SIAH3: variants seen among roughly 807,000 people sequenced by gnomAD.
The protein encoded by SIAH3 is siah E3 ubiquitin protein ligase family member 3.
A neutral mutation model predicts 12.6 loss-of-function variants in SIAH3; 9 were observed. The ratio of observed to expected loss-of-function variants is 0.72; its 90% CI spans 0.43 to 1.25. The LOEUF (loss-of-function observed/expected upper bound fraction) is 1.25, where lower values mean the gene tolerates loss of function less well. Ranked by LOEUF, SIAH3 falls within the 50% of genes most tolerant of loss-of-function variation. SIAH3 has a pLI of 0.00. For synonymous variants in SIAH3, 154 were observed against 151.1 expected, an observed-to-expected ratio of 1.02 and a Z score of -0.14; for missense variants, 390 against 365.4, an observed-to-expected ratio of 1.07 and a Z score of -0.55.
chr13:45,822,947 G>GGTCT (rs3058575), intron 1 of SIAH3, among the ~76,000 whole-genome samples: 101,042 of 151,408 alleles, frequency 0.67, 35,214 homozygotes, highest in East Asian at 0.95. Flanking sequence ...GTCGTCCCAA[G>GGTCT]GTCCTTGCAC....
At chr13:45,834,400 G>A (rs1950710827) in intron 1 of SIAH3, among the ~76,000 whole-genome samples, 1 of 152,318 alleles carries the variant, frequency 6.6e-6, no homozygotes, top group South Asian at 2.1e-4. Context: ...GGCTCCCTGG[G>A]ACTTTCTCTT....
At chr13:45,796,255 G>A (rs1161068447) in intron 1 of SIAH3, among the ~76,000 whole-genome samples, 2 of 110,712 alleles carry the variant, frequency 1.8e-5, no homozygotes, top group Admixed American at 1.5e-4. Context: ...AAAATAGAAT[G>A]GAAGAAAGAG....
At chr13:45,839,118 A>C (rs986680895) in intron 1 of SIAH3, among the ~76,000 whole-genome samples, 5 of 152,184 alleles carry the variant, frequency 3.3e-5, no homozygotes, top group African/African-American at 1.2e-4. Context: ...TGAGAAAGGA[A>C]ATTTCAAAGG....
At chr13:45,830,881 A>T (rs1210485191) in intron 1 of SIAH3, among the ~76,000 whole-genome samples, 1 of 152,150 alleles carries the variant, frequency 6.6e-6, no homozygotes, top group Non-Finnish European at 1.5e-5. Flanking sequence ...AGAATAAGTT[A>T]AGAATGGTCT....
At chr13:45,793,289 T>C (rs1269441714) in intron 1 of SIAH3, among the ~76,000 whole-genome samples, 1 of 152,230 alleles carries the variant, frequency 6.6e-6, no homozygotes, top group Non-Finnish European at 1.5e-5. Flanking sequence ...CTGGGTGGCC[T>C]GAGACAATCT....
chr13:45,817,764 A>G (rs1452127860), intron 1 of SIAH3, among the ~76,000 whole-genome samples: 1 of 152,198 alleles, frequency 6.6e-6, no homozygotes, highest in Non-Finnish European at 1.5e-5. Flanking sequence ...TAAAGAGAAT[A>G]TGTATACATG....
rs2137546267 is a variant in SIAH3 at position 45,783,433 on chromosome 13, C to G, written c.760G>C (p.Gly254Arg). ...LFSDNGSLAIGIAITATEVLP... is the reference protein window; with the variant it reads ...LFSDNGSLAIRIAITATEVLP... The stretch of plus-strand genomic sequence containing the variant: ...ACCTCTGTCGCGGTGATGGCAATCC[C>G]AATGGCAAGGCTGCCGTTGTCAGAG... Residue 254 changes from glycine to arginine, a missense_variant, in exon 2 of 2, where the codon GGG becomes CGG. Transcript: ENST00000400405. 1.9e-6 allele frequency: 3 copies of G among 1,614,004 alleles called. No individual in the cohort carries two copies. Among genetic ancestry groups the G allele is most frequent in the Non-Finnish European group, 2.5e-6 (3 of 1,179,968 alleles).
In SIAH3 at chr13:45,783,861, A is replaced by G; in HGVS notation, c.332T>C (p.Leu111Ser). The G allele has an allele frequency of 1.2e-6, 2 of 1,613,970 alleles. No individual in the cohort carries two copies. The highest frequency in any genetic ancestry group is 1.1e-5 in the South Asian group (1 of 91,076). Residue 111 changes from leucine to serine, a missense_variant, in exon 2 of 2, where the codon TTG becomes TCG. Transcript: ENST00000400405. ...PVTPCLCMCP[L>S]FSCQWEGRLE... ...GCGGCCTTCCCACTGGCAGGAGAAC[A>G]AGGGACACATGCACAGGCAGGGCGT...
intron 1 of SIAH3, among the ~76,000 whole-genome samples, chr13:45,789,410 ATCTATC>A (rs1555256670): frequency 7.0e-6 from 1 of 142,536 alleles, no homozygotes; most frequent in Non-Finnish European, 1.6e-5. Context: ...CTATCTATCT[ATCTATC>A]TATATGTTGA....
At chr13:45,784,216 A>C (rs1457460793) in intron 1 of SIAH3, among the ~76,000 whole-genome samples, 159 bp from the exon 2 acceptor site, 1 of 136,638 alleles carries the variant, frequency 7.3e-6, no homozygotes, top group African/African-American at 2.9e-5. Context: ...AACAAACAAA[A>C]CCACAAAGGA....
At position 45,794,332 on chromosome 13, in the gene SIAH3, C is replaced by G. The variant is rs1950555687; in HGVS notation, c.136-10275G>C. Among the ~76,000 whole-genome samples the G allele has an allele frequency of 1.3e-5, 2 of 152,150 alleles. 1 individual carries two copies. The highest frequency in any genetic ancestry group is 4.1e-4 in the South Asian group (2 of 4,828). ...GTCCTTCCCAGGATGATTATCAACT[C>G]CATACCCATGTGCTAATACCAGAGA... On this transcript the variant is annotated intron_variant, in intron 1 of 1. Transcript: ENST00000400405.
intron 1 of SIAH3, among the ~76,000 whole-genome samples, chr13:45,785,002 T>C (rs1276486750): frequency 1.3e-5 from 2 of 152,366 alleles, no homozygotes; most frequent in East Asian, 3.9e-4. Context: ...AGGTCCTCCA[T>C]GTGTCATGAA....
intron 1 of SIAH3, among the ~76,000 whole-genome samples, chr13:45,795,845 G>A (rs1950560662): frequency 6.6e-6 from 1 of 152,080 alleles, no homozygotes; most frequent in South Asian, 2.1e-4. Context: ...TTCTTCTAAT[G>A]AGTAAATTGT....
intron 1 of SIAH3, among the ~76,000 whole-genome samples, chr13:45,800,706 G>A (rs1286701453): frequency 6.6e-6 from 1 of 152,176 alleles, no homozygotes; most frequent in Non-Finnish European, 1.5e-5. Context: ...CTCTTGCTAG[G>A]AAGAGGACAA....
At chr13:45,809,793 A>C (rs1950610445) in intron 1 of SIAH3, among the ~76,000 whole-genome samples, 2 of 152,224 alleles carry the variant, frequency 1.3e-5, no homozygotes, top group African/African-American at 4.8e-5. Context: ...TTTTTTTCTT[A>C]GTGGCTTTCC....
At position 45,783,702 on chromosome 13, in the gene SIAH3, C is replaced by G. The variant is rs1283322311; in HGVS notation, c.491G>C (p.Gly164Ala). The change falls in exon 2 of 2, where the codon GGC (glycine) becomes GCC (alanine). Residue 164 changes from glycine to alanine, a missense_variant. Physicochemically the swap from Gly to Ala is moderately conservative, Grantham distance 60. Coordinates refer to ENST00000400405, the MANE Select transcript of SIAH3 (RefSeq NM_198849.3). ...CCTCAGCACCAACAGAAAGTGGTGG[C>G]CAAGGCAGGAGTGCATGATGATCCA... Reference protein sequence around the residue: ...ADWIIMHSCLGHHFLLVLRKQ... With the variant: ...ADWIIMHSCLAHHFLLVLRKQ... 10 of 1,614,096 alleles carry G rather than the reference C, an allele frequency of 6.2e-6. No homozygotes were observed. Among genetic ancestry groups the G allele is most frequent in the Non-Finnish European group, 7.6e-6 (9 of 1,179,994 alleles).
intron 1 of SIAH3, among the ~76,000 whole-genome samples, chr13:45,842,341 T>G (rs1466892766): frequency 6.6e-6 from 1 of 152,168 alleles, no homozygotes; most frequent in Non-Finnish European, 1.5e-5. Context: ...ACACTTTATA[T>G]AAATCATATG....
At chr13:45,849,671 A>G (rs1345775778) in intron 1 of SIAH3, among the ~76,000 whole-genome samples, 1 of 152,286 alleles carries the variant, frequency 6.6e-6, no homozygotes, top group East Asian at 1.9e-4. Flanking sequence ...CAGCAAGACG[A>G]CTTGTCAAAA....
At chr13:45,846,531 G>C (rs1223779852) in intron 1 of SIAH3, among the ~76,000 whole-genome samples, 3 of 152,116 alleles carry the variant, frequency 2.0e-5, no homozygotes, top group Non-Finnish European at 4.4e-5. Flanking sequence ...AGATGACTTT[G>C]CTAAGGGTAA....
Sources: allele counts gnomAD v4.1 joint callset (sites outside exome capture counted in the v4.1 genomes callset), GRCh38; gene constraint gnomAD v4.1.1; transcripts MANE v1.5; gene names NCBI Gene and HGNC (gene_info 2026-07-23, HGNC 2026-07-21).